MUC4: variants seen among roughly 807,000 people sequenced by gnomAD.
MUC4 encodes mucin-4.
Under a neutral mutation model 257.9 loss-of-function variants are expected in MUC4, and 202 were observed. The observed-to-expected ratio is 0.78, with a 90% confidence interval of 0.70 to 0.88. The LOEUF is 0.88. MUC4 is among the 40% of genes least tolerant of loss of function. MUC4 has a pLI of 0.00. For synonymous variants in MUC4, 2,351 were observed against 2,757.1 expected (o/e 0.85, Z 4.62); for missense variants, 5,976 against 6,513.7 (o/e 0.92, Z 2.84).
At chr3:195,759,800 T>A (rs942723362) in intron 16 of MUC4, among the ~76,000 whole-genome samples, 6 of 150,600 alleles carry the variant, frequency 4.0e-5, no homozygotes, top group African/African-American at 1.5e-4. Context: ...GTGCCTGTAA[T>A]CTCAGCTATT....
Position 195,757,313 on chromosome 3 carries a change from A to AGG in MUC4, c.15001_15002insCC (p.Leu5001ProfsTer16). 10 of 1,603,972 alleles carry AGG rather than the reference A, an allele frequency of 6.2e-6. No homozygotes were observed. Among genetic ancestry groups the AGG allele is most frequent in the Non-Finnish European group, 8.5e-6 (10 of 1,171,614 alleles). ...TGGCTCCAGCGACTTGGGTGTCCAC[A>AGG]GCAACGTCCCATTCTCTGCCCCGGG... On this transcript the variant is annotated frameshift_variant, in exon 18 of 25. Transcript: ENST00000463781. LOFTEE classifies it high-confidence loss of function. This position sits in a 1 kb window ranked among gnomAD's most constrained non-coding sequence, Gnocchi z 4.8.
intron 24 of MUC4, among the ~76,000 whole-genome samples, chr3:195,748,450 A>C (rs1715607698): frequency 6.6e-6 from 1 of 152,228 alleles, no homozygotes; most frequent in Admixed American, 6.5e-5. Flanking sequence ...TGTAGTCCCA[A>C]CTACTCGGGA....
chr3:195,764,049 CTGTGGGGG>C lies in MUC4; in HGVS notation c.14032_14039del (p.Pro4678AlafsTer77), dbSNP rs1560251332. On this transcript the variant is annotated frameshift_variant, in exon 11 of 25. Transcript: ENST00000463781. LOFTEE classifies it high-confidence loss of function. ...GGCCTGGGCCCTGTCGCTCACCGGGCTGTGGGGGCCTGTATGTAGCACAGCCCACGTGG... is the reference window on the plus strand; with the variant it reads ...GGCCTGGGCCCTGTCGCTCACCGGGCCCTGTATGTAGCACAGCCCACGTGG... 1 of 1,609,386 alleles carries C rather than the reference CTGTGGGGG, an allele frequency of 6.2e-7. No homozygotes were observed. Among genetic ancestry groups the C allele is most frequent in the Non-Finnish European group, 8.5e-7 (1 of 1,178,294 alleles).
chr3:195,781,732 A>G lies in MUC4; in HGVS notation c.9848T>C (p.Val3283Ala). 2 of 1,475,800 alleles carry G rather than the reference A, an allele frequency of 1.4e-6. No homozygotes were observed. The highest frequency in any genetic ancestry group is 2.6e-5 in the East Asian group (1 of 39,084). 91.4% of individuals were successfully genotyped at this position (1,475,800 alleles called of 1,614,324 possible). A position where few individuals can be genotyped will look rare whatever the true frequency, so the allele number is the denominator to read the frequency against. ...TGTGGATGATGAGGAAGTGTCGGTG[A>G]CAGGAAGAGAGGTGGTGTCACCTGT... ...AYTGDTTSLP[V>A]TDTSSSSTGD... Residue 3283 changes from valine to alanine, a missense_variant, in exon 2 of 25, where the codon GTC (valine) becomes GCC (alanine). This residue lies in a region of MUC4 where 51 missense variants were observed against 66.9 expected (regional missense o/e 0.76). Transcript: ENST00000463781.
intron 24 of MUC4, among the ~76,000 whole-genome samples, chr3:195,747,814 T>C (rs1715363401): frequency 6.6e-6 from 1 of 152,358 alleles, no homozygotes; most frequent in African/African-American, 2.4e-5. Flanking sequence ...TGAGCCGAGA[T>C]TGCAACACTG....
intron 3 of MUC4, 83 bp downstream of exon 3, chr3:195,778,220 G>A (rs2688512): frequency 0.82 from 1,201,905 of 1,466,840 alleles, 495,272 homozygotes; most frequent in African/African-American, 0.97. Flanking sequence ...CCGAGAGAGC[G>A]GAGACTGTGG....
rs202228542 is a variant in MUC4, at chr3:195,767,612, C to CCACCACCAT, written c.13530-870_13530-862dup. Among the ~76,000 whole-genome samples, 171 of 73,944 alleles carry CCACCACCAT rather than the reference C, an allele frequency of 2.3e-3. 8 individuals are homozygous for CCACCACCAT. Among genetic ancestry groups the CCACCACCAT allele is most frequent in the African/African-American group, 9.4e-3 (159 of 16,916 alleles). 48.5% of individuals were successfully genotyped at this position (73,944 alleles called of 152,430 possible). On this transcript the variant is annotated intron_variant, in intron 7 of 24. Coordinates refer to ENST00000463781, the MANE Select transcript of MUC4 (RefSeq NM_018406.7). The stretch of plus-strand genomic sequence containing the variant: ...ACCACCACCACCATCATCACCATTG[C>CCACCACCAT]CACCACCATCACCACCATCACCACC...
At chr3:195,777,935 C>T (rs557284061) in intron 3 of MUC4, among the ~76,000 whole-genome samples, 1 of 152,106 alleles carries the variant, frequency 6.6e-6, no homozygotes, top group Non-Finnish European at 1.5e-5. Context: ...CACACCCATA[C>T]CTTCCACACC....
Position 195,779,101 on chromosome 3 carries a change from G to GGGGTGGTGTC in MUC4, c.12478_12479insGACACCACCC (p.Ser4160Ter), listed in dbSNP as rs1725884777. On this transcript the variant is annotated stop_gained and frameshift_variant, in exon 2 of 25. Coordinates refer to ENST00000463781, the MANE Select transcript of MUC4 (RefSeq NM_018406.7). LOFTEE classifies it high-confidence loss of function. Reference sequence around the variant, plus strand: ...TGAGGAAGCGTCGGTGACAGGAAGAGAGGTGGTGTGACCTGAGGATGCTGA... The same window carrying GGGGTGGTGTC: ...TGAGGAAGCGTCGGTGACAGGAAGAGGGGTGGTGTCAGGTGGTGTGACCTGAGGATGCTGA... 1 of 1,507,886 alleles carries GGGGTGGTGTC rather than the reference G, an allele frequency of 6.6e-7. No homozygotes were observed. Among genetic ancestry groups the GGGGTGGTGTC allele is most frequent in the Non-Finnish European group, 8.9e-7 (1 of 1,121,980 alleles). 93.4% of individuals were successfully genotyped at this position (1,507,886 alleles called of 1,614,324 possible).
At position 195,784,222 on chromosome 3, in the gene MUC4, C is replaced by CAT. The variant is rs1730064686; in HGVS notation, c.7357_7358insAT (p.Ser2453AsnfsTer552). On this transcript the variant is annotated frameshift_variant, in exon 2 of 25. Coordinates refer to ENST00000463781, the MANE Select transcript of MUC4 (RefSeq NM_018406.7). LOFTEE classifies it high-confidence loss of function. The stretch of plus-strand genomic sequence containing the variant: ...GTCACCTGTGGATGCTGAGGAAGTG[C>CAT]TGGTGACAGGAAGAGGGGTGGCATG... 1 of 1,350,780 alleles carries CAT rather than the reference C, an allele frequency of 7.4e-7. No homozygotes were observed. The highest frequency in any genetic ancestry group is 1.8e-5 in the African/African-American group (1 of 54,240). The allele number at this position is 1,350,780 out of a possible 1,614,324, so 83.7% of individuals were successfully genotyped here. A position where few individuals can be genotyped will look rare whatever the true frequency, so the allele number is the denominator to read the frequency against.
At chr3:195,809,642 C>T (rs1736436841) in intron 1 of MUC4, 1 of 152,612 alleles carries the variant, frequency 6.6e-6, no homozygotes, top group Admixed American at 6.5e-5. Context: ...GTCCTTCACT[C>T]CTTCTCCGGG....
chr3:195,798,690 T>G (rs576427002), intron 1 of MUC4, among the ~76,000 whole-genome samples: 1 of 151,812 alleles, frequency 6.6e-6, no homozygotes, highest in Non-Finnish European at 1.5e-5. Flanking sequence ...GGTGACAGAG[T>G]GAGACTCCGT....
chr3:195,752,589 T>C (rs1350922262), intron 20 of MUC4, 143 bp from the exon 21 acceptor site: 9 of 662,998 alleles, frequency 1.4e-5, no homozygotes, highest in Non-Finnish European at 5.4e-6. Flanking sequence ...GCCCTCACCC[T>C]ACATTCCACA....
rs761556195 is a variant in MUC4 at position 195,753,094 on chromosome 3, G to A, written c.15465C>T (p.Arg5155=). Reference sequence around the variant, plus strand: ...TGAAGTTGTTCCCAGCCAGGAAGCAGCGGCTGTCAGTGAAGGCTGGGGGGC... The same window carrying A: ...TGAAGTTGTTCCCAGCCAGGAAGCAACGGCTGTCAGTGAAGGCTGGGGGGC... ...CTCPPAFTDS[R]CFLAGNNFSP... Residue 5155 remains arginine, a synonymous_variant, in exon 20 of 25, where the codon CGC becomes CGT. Transcript: ENST00000463781. 6.2e-7 allele frequency: 1 copy of A among 1,613,016 alleles called. No individual in the cohort carries two copies. The highest frequency in any genetic ancestry group is 8.5e-7 in the Non-Finnish European group (1 of 1,179,642).
intron 7 of MUC4, among the ~76,000 whole-genome samples, chr3:195,767,606 C>CCACCAT (rs1451479551): frequency 4.6e-5 from 5 of 109,482 alleles, no homozygotes; most frequent in Non-Finnish European, 9.5e-5. Flanking sequence ...ACCATCATCA[C>CCACCAT]CATTGCCACC....
chr3:195,800,983 C>T (rs975524496), intron 1 of MUC4, among the ~76,000 whole-genome samples: 1 of 151,942 alleles, frequency 6.6e-6, no homozygotes, highest in African/African-American at 2.4e-5. Flanking sequence ...GCAGGTGGTC[C>T]GTGGACCCCA....
Position 195,760,989 on chromosome 3 carries a change from C to T in MUC4, c.14743G>A (p.Gly4915Arg), listed in dbSNP as rs374477841. Residue 4915 changes from glycine (G) to arginine (R), a missense_variant, in exon 16 of 25, where the codon GGA becomes AGA. Gly to Arg is a moderately radical substitution (Grantham distance 125). Coordinates refer to ENST00000463781, the MANE Select transcript of MUC4 (RefSeq NM_018406.7). ...GTGTCATAGATGCATGAGCTATCTC[C>T]GTCACAGTTGGAGATCAAATGTTCA... ...WAEHLISNCD[G>R]DSSCIYDTLA... The T allele has an allele frequency of 6.6e-5, 107 of 1,614,072 alleles. No individual in the cohort carries two copies. Among genetic ancestry groups the T allele is most frequent in the Admixed American group, 8.3e-5 (5 of 60,008 alleles).
intron 23 of MUC4, chr3:195,750,642 A>T (rs1269597471): frequency 7.0e-6 from 4 of 571,014 alleles, no homozygotes; most frequent in Non-Finnish European, 1.2e-5. Context: ...CTGTTTTATT[A>T]GCAGCCACAG....
rs757028710 is a variant in MUC4 at position 195,764,070 on chromosome 3, A to G, written c.14019T>C (p.Cys4673=). 5.0e-6 allele frequency: 8 copies of G among 1,610,660 alleles called. No homozygotes were observed. The highest frequency in any genetic ancestry group is 1.3e-5 in the African/African-American group (1 of 74,890). ...CGGGCTGTGGGGGCCTGTATGTAGCACAGCCCACGTGGGGCCGCCTCTGCT... is the reference window on the plus strand; with the variant it reads ...CGGGCTGTGGGGGCCTGTATGTAGCGCAGCCCACGTGGGGCCGCCTCTGCT... The part of the protein sequence containing the change: ...LYQQRRPHVG[C]ATYRPPQPAW... The change falls in exon 11 of 25, where the codon TGT becomes TGC. Residue 4673 remains cysteine (C), a synonymous_variant. Transcript: ENST00000463781.
Sources: allele counts gnomAD v4.1 joint callset (sites outside exome capture counted in the v4.1 genomes callset), GRCh38; gene constraint gnomAD v4.1.1; regional missense constraint gnomAD v4.1.1; non-coding constraint Gnocchi (gnomAD v3.1); transcripts MANE v1.5; gene names NCBI Gene and HGNC (gene_info 2026-07-23, HGNC 2026-07-21).